Variants in ANK2 observed in about 807,000 individuals in gnomAD.
The protein encoded by ANK2 is ankyrin-2.
ANK2 carries 83 observed loss-of-function variants against 360.5 expected under a neutral mutation model. That is an observed-to-expected ratio of 0.23 (90% CI 0.19 to 0.28). The LOEUF is 0.28. Ranked by LOEUF, ANK2 falls within the 10% of genes least tolerant of loss-of-function variation. ANK2 has a pLI of 1.00. For missense variants in ANK2, 4,201 were observed against 4,795.7 expected, an observed-to-expected ratio of 0.88 and a Z score of 3.66; for synonymous variants, 1,740 against 1,759.5, an observed-to-expected ratio of 0.99 and a Z score of 0.28.
At chr4:112,882,900 G>A (rs1194552067) in intron 1 of ANK2, among the ~76,000 whole-genome samples, 2 of 151,710 alleles carry the variant, frequency 1.3e-5, no homozygotes, top group Non-Finnish European at 2.9e-5. Context: ...ATACATTGGA[G>A]TGCACACTAT....
chr4:112,910,852 TAA>T (rs1301853584), intron 2 of ANK2, among the ~76,000 whole-genome samples: 1 of 152,190 alleles, frequency 6.6e-6, no homozygotes, highest in East Asian at 1.9e-4. Flanking sequence ...AGCCTTCTTT[TAA>T]AAAGTTTTTA....
chr4:112,746,267 A>G, the ANK2 span, among the ~76,000 whole-genome samples: 1 of 152,206 alleles, frequency 6.6e-6, no homozygotes, highest in Non-Finnish European at 1.5e-5. Flanking sequence ...AGAGAACACT[A>G]TATATGTTTA....
At chr4:113,352,930 C>T in intron 37 of ANK2, 115 bp from the exon 38 acceptor site, 17 of 1,236,694 alleles carry the variant, frequency 1.4e-5, no homozygotes, top group Non-Finnish European at 1.8e-5. Context: ...TTTTGTTGCC[C>T]CTCCCACCAC....
chr4:113,055,046 T>G (rs2068938426), intron 1 of ANK2, among the ~76,000 whole-genome samples: 1 of 151,992 alleles, frequency 6.6e-6, no homozygotes, highest in African/African-American at 2.4e-5. Flanking sequence ...TATCAGAACC[T>G]TTGAGGATTT....
chr4:112,802,622 AAAGCAACTTACTTTTATG>A, the ANK2 span, among the ~76,000 whole-genome samples: 904 of 152,312 alleles, frequency 5.9e-3, 4 homozygotes, highest in African/African-American at 0.02. Context: ...GTTTTTGCAC[AAAGCAACTTACTTTTATG>A]AAAAAATTAA....
chr4:113,293,163 A>T (rs2068754401), intron 21 of ANK2: 1 of 557,914 alleles, frequency 1.8e-6, no homozygotes, highest in Non-Finnish European at 3.4e-6. Flanking sequence ...GTATTTGTAG[A>T]AGATATTTGA....
chr4:113,156,156 C>T (rs1016707677), intron 1 of ANK2, among the ~76,000 whole-genome samples: 14 of 152,066 alleles, frequency 9.2e-5, no homozygotes, highest in Admixed American at 7.9e-4. Flanking sequence ...ATATTAAAGG[C>T]ACCAGTTCTG....
At chr4:113,320,599 G>C (rs574628752) in intron 26 of ANK2, among the ~76,000 whole-genome samples, 1 of 152,110 alleles carries the variant, frequency 6.6e-6, no homozygotes, top group African/African-American at 2.4e-5. Flanking sequence ...TGGTTACAGC[G>C]AGCCTAGACT....
chr4:112,940,874 G>T (rs2094153010), intron 2 of ANK2, among the ~76,000 whole-genome samples: 1 of 152,074 alleles, frequency 6.6e-6, no homozygotes, highest in Admixed American at 6.6e-5. Context: ...TCGTGTCAAA[G>T]AGTATGATTT....
rs746288014 is a variant in ANK2, at chr4:113,353,137, G to C, written c.4519G>C (p.Val1507Leu). Residue 1507 changes from valine (V) to leucine (L), a missense_variant, in exon 38 of 46, where the codon GTT (valine) becomes CTT (leucine). By Grantham distance (32) the Val-to-Leu change is conservative. This residue lies in a region of ANK2 where 1,268 missense variants were observed against 1,650.8 expected (regional missense o/e 0.77). Coordinates refer to ENST00000357077, the MANE Select transcript of ANK2 (RefSeq NM_001148.6). ...VLASPDLLSE[V>L]SEMKQDLIKM... ...AGCAAGTCCGGACTTGCTCTCTGAA[G>C]TTTCTGAGATGAAACAAGATTTGAT... 1 of 1,614,044 alleles carries C rather than the reference G, an allele frequency of 6.2e-7. No individual in the cohort carries two copies. The highest frequency in any genetic ancestry group is 1.1e-5 in the South Asian group (1 of 91,080).
the ANK2 span, among the ~76,000 whole-genome samples, chr4:112,725,451 C>T: frequency 6.9e-6 from 1 of 145,654 alleles, no homozygotes; most frequent in South Asian, 2.2e-4. Context: ...ACCTCTGCCT[C>T]CCGGGTTCAC....
chr4:113,174,956 T>C (rs2098137129), intron 2 of ANK2, among the ~76,000 whole-genome samples: 1 of 152,222 alleles, frequency 6.6e-6, no homozygotes, highest in Non-Finnish European at 1.5e-5. Context: ...ATATGGCTCA[T>C]AATGAGAATA....
At chr4:112,801,839 C>T in the ANK2 span, among the ~76,000 whole-genome samples, 1 of 152,050 alleles carries the variant, frequency 6.6e-6, no homozygotes, top group Admixed American at 6.6e-5. Flanking sequence ...AATGAAGATC[C>T]ATTAAAGCAG....
chr4:112,969,474 A>C (rs1160646735), intron 2 of ANK2, among the ~76,000 whole-genome samples: 4 of 152,066 alleles, frequency 2.6e-5, no homozygotes, highest in Admixed American at 1.3e-4. Context: ...TTTAATGTTG[A>C]CACCTTTTGC....
At chr4:113,245,818 T>G (rs565746542) in intron 9 of ANK2, among the ~76,000 whole-genome samples, 83 of 152,290 alleles carry the variant, frequency 5.5e-4, no homozygotes, top group Non-Finnish European at 1.0e-3. Flanking sequence ...TTTTTTTTTT[T>G]TTGAGACGGA....
At chr4:113,223,242 G>C (rs542182348) in intron 4 of ANK2, among the ~76,000 whole-genome samples, 5 of 152,320 alleles carry the variant, frequency 3.3e-5, no homozygotes, top group African/African-American at 1.2e-4. Flanking sequence ...GTGCTAACTG[G>C]AGTCTGTGAA....
At chr4:112,939,384 G>A (rs187946575) in intron 2 of ANK2, among the ~76,000 whole-genome samples, 3,782 of 151,826 alleles carry the variant, frequency 0.025, 75 homozygotes, top group South Asian at 0.06. Flanking sequence ...ATCTCGGCTC[G>A]CTGCAGCCTC....
the ANK2 span, among the ~76,000 whole-genome samples, chr4:112,748,248 A>G: frequency 1.3e-5 from 2 of 152,220 alleles, no homozygotes; most frequent in Non-Finnish European, 2.9e-5. Flanking sequence ...TTACCATGTA[A>G]TAATGGTTAT....
chr4:113,166,561 CTT>C (rs2097762225), intron 1 of ANK2, among the ~76,000 whole-genome samples: 4 of 151,684 alleles, frequency 2.6e-5, no homozygotes. Flanking sequence ...TCAGAAATAT[CTT>C]TTCTAGTTTG....
Sources: allele counts gnomAD v4.1 joint callset (sites outside exome capture counted in the v4.1 genomes callset), GRCh38; gene constraint gnomAD v4.1.1; regional missense constraint gnomAD v4.1.1; transcripts MANE v1.5; gene names NCBI Gene and HGNC (gene_info 2026-07-23, HGNC 2026-07-21).